The following HACD3 variants were observed in gnomAD, a reference collection of about 807,000 sequenced individuals.
The protein encoded by HACD3 is 3-hydroxyacyl-CoA dehydratase 3.
Under a neutral mutation model 55.2 loss-of-function variants are expected in HACD3, and 30 were observed. The observed-to-expected ratio is 0.54, with a 90% CI of 0.41 to 0.74. HACD3 has a LOEUF of 0.74. Among genes scored for constraint, HACD3 ranks in the 30% least tolerant of loss-of-function variants. HACD3 has a pLI of 0.00. For missense variants in HACD3, 363 were observed against 440.1 expected, an observed-to-expected ratio of 0.82 and a Z score of 1.57; for synonymous variants, 141 against 151.7, an observed-to-expected ratio of 0.93 and a Z score of 0.52.
rs1465353752 is a variant in HACD3 at position 65,543,029 on chromosome 15, G to A, written c.88-8647G>A. Among the ~76,000 whole-genome samples the A allele has an allele frequency of 4.0e-5, 6 of 149,212 alleles. No individual in the cohort carries two copies. The Middle Eastern group carries it at 0.01, about 256-fold the overall frequency. ...GCAGAGGTTGCAGTAAACCGAGATC[G>A]TGCCACTGCACTCCAGCCTGGCGAC... is the stretch of plus-strand genomic sequence containing the variant. On this transcript the variant is annotated intron_variant, in intron 1 of 10. Transcript: ENST00000261875.
chr15:65,570,190 A>G lies in HACD3; in HGVS notation c.760A>G (p.Ile254Val), dbSNP rs2072334739. The G allele has an allele frequency of 1.9e-6, 3 of 1,607,850 alleles. No homozygotes were observed. The highest frequency in any genetic ancestry group is 1.3e-5 in the African/African-American group (1 of 74,752). ...CTTTGTGTTTTATTTGTGGAGTGCA[A>G]TTGAAATTTTCAGGTGGGTAGAAAT... ...VFFVFYLWSA[I>V]EIFRYSFYML... Residue 254 changes from isoleucine to valine, a missense_variant, in exon 8 of 11, where the codon ATT becomes GTT. Coordinates refer to ENST00000261875, the MANE Select transcript of HACD3 (RefSeq NM_016395.4).
chr15:65,542,026 C>T (rs1051994450), intron 1 of HACD3, among the ~76,000 whole-genome samples: 13 of 151,872 alleles, frequency 8.6e-5, no homozygotes, highest in African/African-American at 2.4e-4. Context: ...GTCAATAGAT[C>T]GAGACCATCC....
chr15:65,530,559 G>A lies in HACD3; in HGVS notation c.-73G>A. 7.3e-7 allele frequency: 1 copy of A among 1,374,512 alleles called. No individual in the cohort carries two copies. 85.1% of individuals were successfully genotyped at this position (1,374,512 alleles called of 1,614,324 possible). On this transcript the variant is annotated 5_prime_UTR_variant, in exon 1 of 11. Transcript: ENST00000261875. Reference sequence around the variant, plus strand: ...AGGGTTTGAGGCCTGCTTTCTGCTCGCGCCAGCAGAGCACTACCTGAGGCA... The same window carrying A: ...AGGGTTTGAGGCCTGCTTTCTGCTCACGCCAGCAGAGCACTACCTGAGGCA...
chr15:65,559,164 C>G (rs1245989597), intron 5 of HACD3, among the ~76,000 whole-genome samples: 1 of 152,176 alleles, frequency 6.6e-6, no homozygotes, highest in Non-Finnish European at 1.5e-5. Flanking sequence ...TCTGTGTAGT[C>G]CTGCTATTCA....
chr15:65,530,653 C>G lies in HACD3; in HGVS notation c.22C>G (p.Pro8Ala). Residue 8 changes from proline to alanine, a missense_variant, in exon 1 of 11, where the codon CCG (proline) becomes GCG (alanine). Physicochemically the swap from Pro to Ala is conservative, Grantham distance 27 (BLOSUM62 -1). Transcript: ENST00000261875. ...GGCCATGGAGAATCAGGTGTTGACG[C>G]CGCATGTCTACTGGGCTCAGCGACA... MENQVLT[P>A]HVYWAQRHRE... The G allele has an allele frequency of 6.3e-7, 1 of 1,581,390 alleles. No individual in the cohort carries two copies. The highest frequency in any genetic ancestry group is 1.2e-5 in the South Asian group (1 of 85,958).
intron 5 of HACD3, among the ~76,000 whole-genome samples, chr15:65,560,479 A>T (rs1227722024): frequency 6.6e-6 from 1 of 152,078 alleles, no homozygotes; most frequent in Admixed American, 6.6e-5. Flanking sequence ...TGCTTTGGTT[A>T]TGTCCTCAGT....
At chr15:65,538,497 A>G (rs1334748032) in intron 1 of HACD3, among the ~76,000 whole-genome samples, 3 of 152,202 alleles carry the variant, frequency 2.0e-5, no homozygotes, top group Non-Finnish European at 4.4e-5. Context: ...TGAAGGGATG[A>G]GGAGTTGCTT....
At chr15:65,559,613 T>C (rs1444141677) in intron 5 of HACD3, among the ~76,000 whole-genome samples, 2 of 151,758 alleles carry the variant, frequency 1.3e-5, no homozygotes, top group Non-Finnish European at 1.5e-5. Context: ...CAGGTCTACC[T>C]CAGTCAGAGC....
At chr15:65,543,333 TC>T (rs532982535) in intron 1 of HACD3, among the ~76,000 whole-genome samples, 154 of 152,122 alleles carry the variant, frequency 1.0e-3, no homozygotes, top group Non-Finnish European at 1.3e-3. Flanking sequence ...TTCTCCCTTT[TC>T]TTTTTTTTTA....
At position 65,576,434 on chromosome 15, in the gene HACD3, T is replaced by G; in HGVS notation, c.*55T>G. 6.6e-7 allele frequency: 1 copy of G among 1,506,976 alleles called. No individual in the cohort carries two copies. The highest frequency in any genetic ancestry group is 1.3e-5 in the South Asian group (1 of 79,050). 93.4% of individuals were successfully genotyped at this position (1,506,976 alleles called of 1,614,324 possible). ...TTTGAGCCTAATCTGATTCTTACAG[T>G]TTTACCTTCTTGAACCAATGTAAAA... On this transcript the variant is annotated 3_prime_UTR_variant, in exon 11 of 11. Transcript: ENST00000261875.
intron 1 of HACD3, among the ~76,000 whole-genome samples, chr15:65,549,960 G>T (rs1423262094): frequency 6.6e-6 from 1 of 152,232 alleles, no homozygotes; most frequent in Non-Finnish European, 1.5e-5. Context: ...AGCAAATGCA[G>T]ATCGATCCTC....
chr15:65,556,634 A>C, intron 3 of HACD3, 105 bp from the exon 4 acceptor site: 1 of 1,198,940 alleles, frequency 8.3e-7, no homozygotes, highest in Non-Finnish European at 1.1e-6. Context: ...CCAGAGAAAG[A>C]AGGAGAATAA....
intron 7 of HACD3, among the ~76,000 whole-genome samples, chr15:65,567,938 T>C (rs939981885): frequency 1.3e-5 from 2 of 151,850 alleles, no homozygotes; most frequent in Non-Finnish European, 2.9e-5. Flanking sequence ...TTCTTTTTTT[T>C]TTTTTTGAGA....
At chr15:65,545,270 A>G (rs67089111) in intron 1 of HACD3, among the ~76,000 whole-genome samples, 26,100 of 152,136 alleles carry the variant, frequency 0.17, 3,387 homozygotes, top group East Asian at 0.73. Flanking sequence ...GCCATAAGTA[A>G]CCATATCACC....
intron 2 of HACD3, among the ~76,000 whole-genome samples, chr15:65,552,666 T>A (rs563289622): frequency 1.6e-4 from 25 of 151,730 alleles, no homozygotes; most frequent in East Asian, 1.4e-3. Context: ...TTGTTTTTTT[T>A]AAATATTTTT....
intron 10 of HACD3, among the ~76,000 whole-genome samples, chr15:65,574,906 A>G (rs990736531): frequency 3.3e-5 from 5 of 152,074 alleles, no homozygotes; most frequent in African/African-American, 1.2e-4. Context: ...GGCATAAGAT[A>G]AAGAGGAATA....
intron 8 of HACD3, among the ~76,000 whole-genome samples, chr15:65,570,704 G>T (rs555026338): frequency 4.6e-5 from 7 of 152,206 alleles, no homozygotes; most frequent in Middle Eastern, 3.4e-3. Flanking sequence ...TTAAGAAATG[G>T]ATCTAGTTAA....
intron 9 of HACD3, 77 bp from the exon 10 acceptor site, chr15:65,572,158 G>A (rs974404841): frequency 1.4e-5 from 22 of 1,565,264 alleles, no homozygotes; most frequent in Admixed American, 1.3e-4. Flanking sequence ...AAACTTTAGA[G>A]TACTAGGACT....
intron 10 of HACD3, among the ~76,000 whole-genome samples, chr15:65,574,980 T>G (rs2072386819): frequency 6.6e-6 from 1 of 152,212 alleles, no homozygotes; most frequent in Non-Finnish European, 1.5e-5. Flanking sequence ...TATTTTAAAG[T>G]GCATTGACTT....
Sources: allele counts gnomAD v4.1 joint callset (sites outside exome capture counted in the v4.1 genomes callset), GRCh38; gene constraint gnomAD v4.1.1; transcripts MANE v1.5; gene names NCBI Gene and HGNC (gene_info 2026-07-23, HGNC 2026-07-21).